The following CIT variants were observed in gnomAD, a reference collection of about 807,000 sequenced individuals.
The protein encoded by CIT is citron rho-interacting serine/threonine kinase, also known as citron Rho-interacting kinase.
A neutral mutation model predicts 272.7 loss-of-function variants in CIT; 79 were observed. The ratio of observed to expected loss-of-function variants is 0.29; its 90% confidence interval spans 0.24 to 0.35. The LOEUF (loss-of-function observed/expected upper bound fraction) is 0.35, where lower values mean the gene tolerates loss of function less well. Ranked by LOEUF, CIT falls within the 10% of genes least tolerant of loss-of-function variation. The probability of loss-of-function intolerance (pLI) is 1.00; values close to 1 mark genes in which losing one functional copy is unlikely to be tolerated. For synonymous variants in CIT, 948 were observed against 995.6 expected (o/e 0.95, Z 0.90); for missense variants, 1,909 against 2,618.3 (o/e 0.73, Z 5.91).
In CIT at chr12:119,718,219, G is replaced by T. The variant is rs1390736610; in HGVS notation, c.4168+26C>A. 1.9e-6 allele frequency: 3 copies of T among 1,587,038 alleles called. No individual in the cohort carries two copies. Reference sequence around the variant, plus strand: ...GCCCACATGTCTTAGTCGACTAAAAGAAATTTCCATACAACTCCAACGTAC... The same window carrying T: ...GCCCACATGTCTTAGTCGACTAAAATAAATTTCCATACAACTCCAACGTAC... On this transcript the variant is annotated intron_variant, in intron 32 of 47. Transcript: ENST00000392521. The surrounding 1 kb of genome is among the most constrained non-coding windows in gnomAD (Gnocchi z 4.8).
intron 23 of CIT, among the ~76,000 whole-genome samples, chr12:119,743,479 C>T (rs991866900): frequency 3.9e-5 from 6 of 152,140 alleles, no homozygotes; most frequent in African/African-American, 1.4e-4. Flanking sequence ...TTTCAAACTG[C>T]AAGCTGTGAC....
intron 9 of CIT, among the ~76,000 whole-genome samples, chr12:119,806,195 G>T (rs1345480689): frequency 6.7e-6 from 1 of 150,056 alleles, no homozygotes; most frequent in Admixed American, 6.6e-5. Flanking sequence ...ATACTAGCTG[G>T]TAACAGGTAA....
intron 5 of CIT, among the ~76,000 whole-genome samples, chr12:119,845,807 G>A (rs11064925): frequency 0.42 from 63,968 of 151,134 alleles, 14,501 homozygotes; most frequent in Middle Eastern, 0.51. Flanking sequence ...AAAATGAGCC[G>A]GGCGTGGTGT....
intron 16 of CIT, 139 bp from the exon 17 acceptor site, chr12:119,773,049 A>C (rs907459896): frequency 3.8e-6 from 3 of 793,788 alleles, no homozygotes; most frequent in Middle Eastern, 4.1e-4. Context: ...ACAGTGTCCT[A>C]AATTTAAAAA....
intron 13 of CIT, among the ~76,000 whole-genome samples, chr12:119,780,604 G>A (rs952899393): frequency 6.6e-6 from 1 of 152,084 alleles, no homozygotes; most frequent in African/African-American, 2.4e-5. Flanking sequence ...GTGACAGAGC[G>A]AGACTCCATC....
intron 23 of CIT, 30 bp downstream of exon 23, chr12:119,752,020 C>T (rs918923958): frequency 2.5e-6 from 4 of 1,592,826 alleles, no homozygotes; most frequent in Non-Finnish European, 3.4e-6. Flanking sequence ...AGGCCTTTAG[C>T]AACCTGAAGA....
intron 10 of CIT, among the ~76,000 whole-genome samples, chr12:119,801,499 C>A (rs1381549346): frequency 6.6e-6 from 1 of 152,166 alleles, no homozygotes; most frequent in Non-Finnish European, 1.5e-5. Flanking sequence ...CTAACTCCCT[C>A]GAATCCTCCC....
intron 9 of CIT, among the ~76,000 whole-genome samples, chr12:119,821,637 A>G (rs1967732525): frequency 6.6e-6 from 1 of 152,224 alleles, no homozygotes; most frequent in Admixed American, 6.5e-5. Context: ...CTTATTCAAG[A>G]AGATTACAGA....
intron 16 of CIT, among the ~76,000 whole-genome samples, chr12:119,775,107 T>C (rs991313813): frequency 6.6e-6 from 1 of 152,024 alleles, no homozygotes; most frequent in Non-Finnish European, 1.5e-5. Flanking sequence ...ACCCCGTGTC[T>C]ATTAAAAATA....
At chr12:119,749,138 T>C (rs1015424387) in intron 23 of CIT, among the ~76,000 whole-genome samples, 1 of 152,240 alleles carries the variant, frequency 6.6e-6, no homozygotes, top group Non-Finnish European at 1.5e-5. Context: ...AGAGCTTTAA[T>C]TTAACTGTGC....
chr12:119,873,909 C>T (rs181104418), intron 2 of CIT, among the ~76,000 whole-genome samples: 14 of 152,190 alleles, frequency 9.2e-5, no homozygotes, highest in African/African-American at 2.6e-4. Flanking sequence ...TAATACTATT[C>T]TATGCTGAGT....
intron 5 of CIT, among the ~76,000 whole-genome samples, chr12:119,846,134 T>C (rs1969789992): frequency 6.6e-6 from 1 of 152,160 alleles, no homozygotes; most frequent in South Asian, 2.1e-4. Context: ...TGCACTCCCA[T>C]CAACATGTAA....
Position 119,713,322 on chromosome 12 carries a change from A to G in CIT, c.4488-28T>C. ...GGGGAAAGAAAGATGGAAAAGAAAAATGTCTGAACTCAGAAGAAACATCCG... is the reference window on the plus strand; with the variant it reads ...GGGGAAAGAAAGATGGAAAAGAAAAGTGTCTGAACTCAGAAGAAACATCCG... On this transcript the variant is annotated intron_variant, in intron 34 of 47. Coordinates refer to ENST00000392521, the MANE Select transcript of CIT (RefSeq NM_001206999.2). This position sits in a 1 kb window ranked among gnomAD's most constrained non-coding sequence, Gnocchi z 5.2. The G allele has an allele frequency of 6.2e-7, 1 of 1,607,312 alleles. No individual in the cohort carries two copies. The highest frequency in any genetic ancestry group is 8.5e-7 in the Non-Finnish European group (1 of 1,174,530).
At chr12:119,705,389 T>C (rs1387501338) in intron 40 of CIT, among the ~76,000 whole-genome samples, 2 of 152,168 alleles carry the variant, frequency 1.3e-5, no homozygotes, top group Middle Eastern at 6.8e-3. Flanking sequence ...AAATTAGTCC[T>C]GGCACGAAGG....
rs1156598256 is a variant in CIT at position 119,687,674 on chromosome 12, ACTGACC to A, written c.*552_*557del. 1 of 152,218 alleles carries A rather than the reference ACTGACC, an allele frequency of 6.6e-6. No individual in the cohort carries two copies. The highest frequency in any genetic ancestry group is 1.5e-5 in the Non-Finnish European group (1 of 68,138). 9.4% of individuals were successfully genotyped at this position (152,218 alleles called of 1,614,324 possible). A position where few individuals can be genotyped will look rare whatever the true frequency, so the allele number is the denominator to read the frequency against. On this transcript the variant is annotated 3_prime_UTR_variant, in exon 48 of 48. Transcript: ENST00000392521. Reference sequence around the variant, plus strand: ...CTACTTGGCTGCGGGAGGTTGGCCAACTGACCGGGACTGTTCTACACTATGCCTCGG... The same window carrying A: ...CTACTTGGCTGCGGGAGGTTGGCCAAGGGACTGTTCTACACTATGCCTCGG...
At position 119,770,718 on chromosome 12, in the gene CIT, T is replaced by C; in HGVS notation, c.2208+67A>G. On this transcript the variant is annotated intron_variant, in intron 18 of 47. Coordinates refer to ENST00000392521, the MANE Select transcript of CIT (RefSeq NM_001206999.2). The surrounding 1 kb of genome is among the most constrained non-coding windows in gnomAD (Gnocchi z 4.4). The stretch of plus-strand genomic sequence containing the variant: ...TTATTGTGGCGGTTAATTCTTCTTC[T>C]TACCCCCTTCCCTTTGCAAACTCTA... 1 of 1,586,960 alleles carries C rather than the reference T, an allele frequency of 6.3e-7. No individual in the cohort carries two copies. The highest frequency in any genetic ancestry group is 1.3e-5 in the African/African-American group (1 of 74,426).
At chr12:119,777,599 G>A (rs1443711875) in intron 13 of CIT, among the ~76,000 whole-genome samples, 1 of 151,402 alleles carries the variant, frequency 6.6e-6, no homozygotes, top group Non-Finnish European at 1.5e-5. Context: ...GGACCCGGGA[G>A]GCGGAGGTTG....
chr12:119,765,014 G>A (rs979213378), intron 19 of CIT, among the ~76,000 whole-genome samples: 4 of 151,562 alleles, frequency 2.6e-5, no homozygotes, highest in African/African-American at 9.7e-5. Flanking sequence ...TCACCATGTT[G>A]GCCAGGCTGG....
At chr12:119,736,703 T>G (rs1466774548) in intron 24 of CIT, among the ~76,000 whole-genome samples, 1 of 152,240 alleles carries the variant, frequency 6.6e-6, no homozygotes, top group Non-Finnish European at 1.5e-5. Context: ...TAACAGACAC[T>G]TATGACTTGC....
Sources: gnomAD v4.1 joint callset for allele counts (sites outside exome capture counted in the v4.1 genomes callset) on GRCh38, gnomAD v4.1.1 for gene constraint, Gnocchi (gnomAD v3.1) non-coding constraint, MANE v1.5 for transcripts, NCBI Gene and HGNC (gene_info 2026-07-23, HGNC 2026-07-21) for gene names.